Variants in HSF2 observed in about 807,000 individuals in gnomAD.
The protein encoded by HSF2 is heat shock transcription factor 2.
Under a neutral mutation model 65.0 loss-of-function variants are expected in HSF2, and 21 were observed. The observed-to-expected ratio is 0.32, with a 90% CI of 0.23 to 0.47. HSF2 has a LOEUF of 0.47. HSF2 is among the 20% of genes least tolerant of loss of function. The probability of loss-of-function intolerance (pLI) is 1.00; values close to 1 mark genes in which losing one functional copy is unlikely to be tolerated. For synonymous variants in HSF2, 225 were observed against 219.1 expected, an observed-to-expected ratio of 1.03 and a Z score of -0.24; for missense variants, 499 against 628.1, an observed-to-expected ratio of 0.79 and a Z score of 2.20.
rs59305295 is a variant in HSF2, at chr6:122,420,700, CTTTTTTTTTTTTTT to C, written c.681+494_681+507del. 1.7e-4 allele frequency among the ~76,000 whole-genome samples: 5 copies of C among 28,572 alleles called. No homozygotes were observed. The South Asian group carries it at 6.1e-3, about 35-fold the overall frequency. 18.7% of individuals were successfully genotyped at this position (28,572 alleles called of 152,430 possible). On this transcript the variant is annotated intron_variant, in intron 7 of 12. Coordinates refer to ENST00000368455, the MANE Select transcript of HSF2 (RefSeq NM_004506.4). Reference sequence around the variant, plus strand: ...ACATAGCGATTTAGTTTATTCATTTCTTTTTTTTTTTTTTTTTTTTTTTTTTTTTGAGATGGGAT... The same window carrying C: ...ACATAGCGATTTAGTTTATTCATTTCTTTTTTTTTTTTTTTGAGATGGGAT...
In HSF2 at chr6:122,431,972, G is replaced by T; in HGVS notation, c.1363G>T (p.Asp455Tyr). ...YTAFPLLAFLDGNPASSVEQA... is the reference protein window; with the variant it reads ...YTAFPLLAFLYGNPASSVEQA... ...CGCCTTTCCACTTCTTGCATTCCTC[G>T]ATGGGAACCCTGCTTCTTCTGTTGA... Residue 455 changes from aspartate (D) to tyrosine (Y), a missense_variant, in exon 13 of 13, where the codon GAT (aspartate) becomes TAT (tyrosine). This residue lies in a region of HSF2 where 349 missense variants were observed against 393.5 expected (regional missense o/e 0.89). Transcript: ENST00000368455. 1 of 1,613,934 alleles carries T rather than the reference G, an allele frequency of 6.2e-7. No homozygotes were observed.
chr6:122,401,860 T>C, intron 1 of HSF2, among the ~76,000 whole-genome samples: 1 of 152,202 alleles, frequency 6.6e-6, no homozygotes, highest in Non-Finnish European at 1.5e-5. Context: ...TATCATTGTA[T>C]AGATGAGGAT....
At chr6:122,416,972 A>T (rs1774141641) in intron 5 of HSF2, among the ~76,000 whole-genome samples, 1 of 152,116 alleles carries the variant, frequency 6.6e-6, no homozygotes, top group African/African-American at 2.4e-5. Flanking sequence ...AGTAAACTAG[A>T]CTCTGAGTTT....
At chr6:122,414,434 CTT>C (rs932233242) in intron 4 of HSF2, among the ~76,000 whole-genome samples, 28 of 152,050 alleles carry the variant, frequency 1.8e-4, no homozygotes, top group African/African-American at 6.8e-4. Flanking sequence ...GAACCTATAA[CTT>C]TGATTTCTTT....
At position 122,412,725 on chromosome 6, in the gene HSF2, A is replaced by T. The variant is rs1774028667; in HGVS notation, c.291A>T (p.Lys97Asn). Residue 97 changes from lysine (K) to asparagine (N), a missense_variant, in exon 3 of 13, where the codon AAA becomes AAT. Physicochemically the swap from Lys to Asn is moderately conservative, Grantham distance 94. Coordinates refer to ENST00000368455, the MANE Select transcript of HSF2 (RefSeq NM_004506.4). ...TAGAATTTCAGCATCCTTACTTCAA[A>T]CAAGGACAGGATGACTTGTTGGAGA... Reference protein sequence around the residue: ...GPVEFQHPYFKQGQDDLLENI... With the variant: ...GPVEFQHPYFNQGQDDLLENI... 1 of 1,612,910 alleles carries T rather than the reference A, an allele frequency of 6.2e-7. No individual in the cohort carries two copies. Among genetic ancestry groups the T allele is most frequent in the African/African-American group, 1.3e-5 (1 of 74,868 alleles).
intron 1 of HSF2, among the ~76,000 whole-genome samples, chr6:122,406,060 G>C (rs1026369134): frequency 6.6e-6 from 1 of 152,146 alleles, no homozygotes; most frequent in African/African-American, 2.4e-5. Flanking sequence ...AGGAACAAGA[G>C]CTCCTTTTTC....
At chr6:122,407,436 GT>G in intron 1 of HSF2, among the ~76,000 whole-genome samples, 1 of 152,060 alleles carries the variant, frequency 6.6e-6, no homozygotes, top group East Asian at 1.9e-4. Flanking sequence ...ATTAGTTATC[GT>G]TCTTACTTTT....
rs1402767380 is a variant in HSF2 at position 122,432,574 on chromosome 6, T to C, written c.*354T>C. On this transcript the variant is annotated 3_prime_UTR_variant, in exon 13 of 13. Coordinates refer to ENST00000368455, the MANE Select transcript of HSF2 (RefSeq NM_004506.4). ...TCCTGTTTGATGCTGTCTATTTGCA[T>C]TGAGTGTAAGTCATTTGAACTAATG... The C allele has an allele frequency of 2.0e-5, 4 of 204,802 alleles. No individual in the cohort carries two copies. The highest frequency in any genetic ancestry group is 7.1e-5 in the African/African-American group (3 of 42,460). 12.7% of individuals were successfully genotyped at this position (204,802 alleles called of 1,614,324 possible).
chr6:122,427,914 T>C lies in HSF2; in HGVS notation c.1188T>C (p.Ser396=), dbSNP rs777123794. 6 of 1,600,932 alleles carry C rather than the reference T, an allele frequency of 3.7e-6. 1 individual carries two copies. In the South Asian group the frequency reaches 6.7e-5, roughly 18 times the overall value. ...GTTTGGTCTTTCAGCTTTTCACTAG[T>C]TCTGTGCAGATGAATCCCACAGATT... The part of the protein sequence containing the change: ...DPDLLVDLFT[S]SVQMNPTDYI... The change falls in exon 11 of 13, where the codon AGT becomes AGC. Residue 396 remains serine (S), a synonymous_variant. Coordinates refer to ENST00000368455, the MANE Select transcript of HSF2 (RefSeq NM_004506.4).
chr6:122,414,045 T>C (rs1261408126), intron 4 of HSF2, among the ~76,000 whole-genome samples: 1 of 152,130 alleles, frequency 6.6e-6, no homozygotes, highest in African/African-American at 2.4e-5. Flanking sequence ...GTTTAATGGC[T>C]GTCTCTTAAG....
At chr6:122,419,066 T>G (rs1418638022) in intron 5 of HSF2, 102 bp from the exon 6 acceptor site, 1 of 629,454 alleles carries the variant, frequency 1.6e-6, no homozygotes, top group East Asian at 3.1e-5. Flanking sequence ...ATTATGAGAC[T>G]TAGAGGACAA....
At chr6:122,402,121 AGT>A (rs1773746739) in intron 1 of HSF2, among the ~76,000 whole-genome samples, 1 of 152,236 alleles carries the variant, frequency 6.6e-6, no homozygotes, top group African/African-American at 2.4e-5. Context: ...TTCTTCTTCC[AGT>A]GTGGCCCAGG....
In HSF2 at chr6:122,407,435, C is replaced by T. The variant is rs186488128; in HGVS notation, c.94-4938C>T. ...CTCTTCAAAACTGTGTATTAGTTAT[C>T]GTTCTTACTTTTTACCAATCTAATT... On this transcript the variant is annotated intron_variant, in intron 1 of 12. Transcript: ENST00000368455. Among the ~76,000 whole-genome samples the T allele has an allele frequency of 1.3e-3, 197 of 152,240 alleles. 2 individuals are homozygous for T. The highest frequency in any genetic ancestry group is 1.2e-3 in the East Asian group (6 of 5,186).
intron 1 of HSF2, among the ~76,000 whole-genome samples, chr6:122,407,851 A>T (rs1221936540): frequency 6.6e-6 from 1 of 152,094 alleles, no homozygotes; most frequent in Admixed American, 6.6e-5. Flanking sequence ...TATTTTTTAC[A>T]GTTCTGGAGG....
At chr6:122,430,688 C>T (rs902574450) in intron 11 of HSF2, among the ~76,000 whole-genome samples, 5 of 152,090 alleles carry the variant, frequency 3.3e-5, no homozygotes, top group African/African-American at 1.2e-4. Context: ...ATTTAGCCAG[C>T]ATGTAGATCT....
In HSF2 at chr6:122,431,483, G is replaced by A. The variant is rs766302030; in HGVS notation, c.1284G>A (p.Ser428=). Residue 428 remains serine (S), a synonymous_variant, in exon 12 of 13, where the codon TCG becomes TCA. Transcript: ENST00000368455. ...TTKNNVVQPV[S]EEGRKSKSKP... is the part of the protein sequence containing the mutation. Reference sequence around the variant, plus strand: ...AGAACAATGTAGTTCAGCCAGTTTCGGAAGAGGGAAGAAAATCTAAATCCA... The same window carrying A: ...AGAACAATGTAGTTCAGCCAGTTTCAGAAGAGGGAAGAAAATCTAAATCCA... 33 of 1,589,740 alleles carry A rather than the reference G, an allele frequency of 2.1e-5. 1 individual carries two copies. The highest frequency in any genetic ancestry group is 1.5e-4 in the South Asian group (13 of 88,346).
At chr6:122,417,693 G>C (rs945716904) in intron 5 of HSF2, among the ~76,000 whole-genome samples, 12 of 152,156 alleles carry the variant, frequency 7.9e-5, no homozygotes, top group African/African-American at 2.9e-4. Flanking sequence ...AAAAATCCCT[G>C]TGTAATGTGA....
At position 122,401,218 on chromosome 6, in the gene HSF2, C is replaced by T. The variant is rs887316205; in HGVS notation, c.93+1388C>T. Among the ~76,000 whole-genome samples the T allele has an allele frequency of 2.0e-5, 3 of 152,090 alleles. No homozygotes were observed. In the South Asian group the frequency reaches 6.2e-4, roughly 32 times the overall value. On this transcript the variant is annotated intron_variant, in intron 1 of 12. Coordinates refer to ENST00000368455, the MANE Select transcript of HSF2 (RefSeq NM_004506.4). ...ATGAATTCTGTACAATTGTACAAAGCTAGGTGAAAATAAGAAAGCCAGCCA... is the reference window on the plus strand; with the variant it reads ...ATGAATTCTGTACAATTGTACAAAGTTAGGTGAAAATAAGAAAGCCAGCCA...
At chr6:122,418,028 T>C (rs1774160458) in intron 5 of HSF2, among the ~76,000 whole-genome samples, 1 of 152,160 alleles carries the variant, frequency 6.6e-6, no homozygotes, top group African/African-American at 2.4e-5. Flanking sequence ...TTTAGTAGCC[T>C]TTTTTGTAAG....
Sources: allele counts gnomAD v4.1 joint callset (sites outside exome capture counted in the v4.1 genomes callset), GRCh38; gene constraint gnomAD v4.1.1; regional missense constraint gnomAD v4.1.1; transcripts MANE v1.5; gene names NCBI Gene and HGNC (gene_info 2026-07-23, HGNC 2026-07-21).